The following SPTB variants were observed in gnomAD, a reference collection of about 807,000 sequenced individuals.
SPTB encodes spectrin beta, erythrocytic.
In SPTB, 45 loss-of-function variants were observed where a neutral mutation model predicts 256.2. The ratio of observed to expected loss-of-function variants is 0.18; its 90% CI spans 0.14 to 0.23. SPTB has a LOEUF of 0.23. SPTB is among the 10% of genes least tolerant of loss of function. SPTB has a pLI of 1.00. For missense variants in SPTB, 2,715 were observed against 3,040.4 expected (o/e 0.89, Z 2.52); for synonymous variants, 1,231 against 1,243.1 (o/e 0.99, Z 0.21).
intron 1 of SPTB, among the ~76,000 whole-genome samples, chr14:64,851,205 T>C (rs1458640020): frequency 2.0e-5 from 3 of 152,222 alleles, no homozygotes; most frequent in Non-Finnish European, 2.9e-5. Context: ...GGAAACGCAG[T>C]ACAAGGATTA....
Position 64,772,160 on chromosome 14 carries a change from CTGGGAAACTTA to C in SPTB, c.5553+409_5553+419del, listed in dbSNP as rs1163934184. The stretch of plus-strand genomic sequence containing the variant: ...GGCTCCACTTCGTACCTACATGTTC[CTGGGAAACTTA>C]TGGGTCTTCTACCTCTCCCTTTTCT... On this transcript the variant is annotated intron_variant, in intron 26 of 35. Transcript: ENST00000644917. This position sits in a 1 kb window ranked among gnomAD's most constrained non-coding sequence, Gnocchi z 5.4. Among the ~76,000 whole-genome samples, 1 of 152,142 alleles carries C rather than the reference CTGGGAAACTTA, an allele frequency of 6.6e-6. No individual in the cohort carries two copies. The highest frequency in any genetic ancestry group is 1.5e-5 in the Non-Finnish European group (1 of 68,024).
At chr14:64,782,692 C>G (rs2139547534) in intron 19 of SPTB, 139 bp from the exon 20 acceptor site, 1 of 1,291,822 alleles carries the variant, frequency 7.7e-7, no homozygotes, top group Non-Finnish European at 1.1e-6. Flanking sequence ...TAAGACTCAA[C>G]TGAAATGAAC....
intron 1 of SPTB, among the ~76,000 whole-genome samples, chr14:64,851,481 C>CAGT (rs2083785007): frequency 6.6e-6 from 1 of 150,918 alleles, no homozygotes; most frequent in Non-Finnish European, 1.5e-5. Context: ...GTAGTAGTAG[C>CAGT]AGTAGCAGCA....
In SPTB at chr14:64,871,243, C is replaced by T. The variant is rs190267443; in HGVS notation, c.-52+8549G>A. Among the ~76,000 whole-genome samples the T allele has an allele frequency of 2.6e-5, 4 of 152,182 alleles. No homozygotes were observed. The East Asian group carries it at 7.7e-4, about 29-fold the overall frequency. ...GGAGTGTTCCAGGACGAAGACACAG[C>T]CTCGAACCCAAGTTCTGATGGAAAA... On this transcript the variant is annotated intron_variant, in intron 1 of 35. Transcript: ENST00000644917.
intron 32 of SPTB, chr14:64,754,034 A>C (rs192446869): frequency 3.2e-6 from 2 of 617,788 alleles, no homozygotes; most frequent in Admixed American, 5.1e-5. Context: ...AGAGAGCTGC[A>C]GGGTGGCCCC....
chr14:64,764,185 T>C lies in SPTB; in HGVS notation c.6345+2541A>G, dbSNP rs1300639468. Among the ~76,000 whole-genome samples, 1 of 152,176 alleles carries C rather than the reference T, an allele frequency of 6.6e-6. No individual in the cohort carries two copies. On this transcript the variant is annotated intron_variant, in intron 32 of 35. Coordinates refer to ENST00000644917, the MANE Select transcript of SPTB (RefSeq NM_001355436.2). This position sits in a 1 kb window ranked among gnomAD's most constrained non-coding sequence, Gnocchi z 4.2. ...CCTTCCTGGGAGAGGCCTGCGGTTC[T>C]GTGAAGGGGTAGTTCCAGGCAGGCT...
chr14:64,769,179 G>A (rs1304133418), intron 28 of SPTB, 61 bp from the exon 29 acceptor site: 43 of 1,432,742 alleles, frequency 3.0e-5, no homozygotes, highest in Middle Eastern at 1.7e-4. Context: ...CTGAGGCAGT[G>A]CGCAGATGGG....
rs761348656 is a variant in SPTB, at chr14:64,796,560, G to A, written c.1338C>T (p.Ala446=). The stretch of plus-strand genomic sequence containing the variant: ...CCCAAAGCATGTCCCTCATTACCTG[G>A]GCCACGAGGCGCTGGTTTTCACTGA... ...TWLSENQRLV[A]QDNFGYDLAA... is the part of the protein sequence containing the mutation. Residue 446 remains alanine (A), a synonymous_variant, in exon 11 of 36, where the codon GCC becomes GCT. Transcript: ENST00000644917. This position sits in a 1 kb window ranked among gnomAD's most constrained non-coding sequence, Gnocchi z 4.1. 9 of 1,614,040 alleles carry A rather than the reference G, an allele frequency of 5.6e-6. No homozygotes were observed. The South Asian group carries it at 7.7e-5, about 14-fold the overall frequency.
rs777255682 is a variant in SPTB at position 64,785,849 on chromosome 14, C to A, written c.3664G>T (p.Asp1222Tyr). 7.4e-6 allele frequency: 12 copies of A among 1,614,018 alleles called. No individual in the cohort carries two copies. The highest frequency in any genetic ancestry group is 1.7e-5 in the Admixed American group (1 of 59,998). ...DFLGSMENNR[D>Y]KVLSPVDSGN... ...GAGTCCACAGGACTCAAGACCTTAT[C>A]CCGGTTGTTCTCCATAGACCCCAAG... The change falls in exon 17 of 36, where the codon GAT becomes TAT. Residue 1222 changes from aspartate (D) to tyrosine (Y), a missense_variant. By Grantham distance (160) the Asp-to-Tyr change is radical. Around this residue, in one of 4 missense-constraint regions of SPTB, gnomAD observed 2,239 missense variants for 2,384.4 expected, o/e 0.94. Transcript: ENST00000644917. The surrounding 1 kb of genome is among the most constrained non-coding windows in gnomAD (Gnocchi z 4.4).
intron 1 of SPTB, among the ~76,000 whole-genome samples, chr14:64,863,914 A>G (rs1882002203): frequency 1.3e-5 from 2 of 152,218 alleles, no homozygotes; most frequent in Non-Finnish European, 1.5e-5. Context: ...GGCAATTACA[A>G]TATCACACTG....
intron 29 of SPTB, chr14:64,768,105 G>T: frequency 1.8e-6 from 1 of 565,428 alleles, no homozygotes; most frequent in South Asian, 1.9e-5. Context: ...GCAGTGATGT[G>T]ATTATGGCTC....
At chr14:64,750,524 C>T (rs1373978089) in intron 33 of SPTB, among the ~76,000 whole-genome samples, 1 of 151,882 alleles carries the variant, frequency 6.6e-6, no homozygotes, top group Non-Finnish European at 1.5e-5. Context: ...ACTTGTAATC[C>T]CAGCACTTTG....
At chr14:64,843,368 G>A (rs1316498991) in intron 1 of SPTB, among the ~76,000 whole-genome samples, 1 of 152,098 alleles carries the variant, frequency 6.6e-6, no homozygotes, top group Non-Finnish European at 1.5e-5. Flanking sequence ...TACTACTCAA[G>A]GTCTGTCATG....
Position 64,790,672 on chromosome 14 carries a change from A to G in SPTB, c.2804+1047T>C, listed in dbSNP as rs1161328985. On this transcript the variant is annotated intron_variant, in intron 15 of 35. Coordinates refer to ENST00000644917, the MANE Select transcript of SPTB (RefSeq NM_001355436.2). The surrounding 1 kb of genome is among the most constrained non-coding windows in gnomAD (Gnocchi z 4.8). ...TTACAATGGAGTCTTCCCTAGGCCC[A>G]CCTCCCAGATTGCCTCAGGCAGAGC... 6.6e-6 allele frequency among the ~76,000 whole-genome samples: 1 copy of G among 151,980 alleles called. No homozygotes were observed. The highest frequency in any genetic ancestry group is 1.5e-5 in the Non-Finnish European group (1 of 67,996).
intron 29 of SPTB, chr14:64,768,080 C>T: frequency 1.6e-6 from 1 of 610,816 alleles, no homozygotes; most frequent in Non-Finnish European, 2.9e-6. Context: ...TTCAATCTGT[C>T]ACCCAGGCTG....
intron 1 of SPTB, among the ~76,000 whole-genome samples, chr14:64,865,995 C>G (rs1298980236): frequency 6.6e-6 from 1 of 152,200 alleles, no homozygotes; most frequent in East Asian, 1.9e-4. Context: ...AAAGGCAGAG[C>G]CTGCTCTACT....
chr14:64,774,511 A>G lies in SPTB; in HGVS notation c.4859T>C (p.Ile1620Thr). The G allele has an allele frequency of 1.3e-6, 2 of 1,553,778 alleles. No homozygotes were observed. Among genetic ancestry groups the G allele is most frequent in the Non-Finnish European group, 1.7e-6 (2 of 1,148,296 alleles). The stretch of plus-strand genomic sequence containing the variant: ...CCGCAAATGTCGCTTCAGCATCACA[A>G]TGGCGCCCTCTTCATCCTAGGAGGC... ...DEIPKDEEGAIVMLKRHLRQQ... is the reference protein window; with the variant it reads ...DEIPKDEEGATVMLKRHLRQQ... Residue 1620 changes from isoleucine (I) to threonine (T), a missense_variant, in exon 24 of 36, where the codon ATT becomes ACT. By Grantham distance (89) the Ile-to-Thr change is moderately conservative. Around this residue, in one of 4 missense-constraint regions of SPTB, gnomAD observed 2,239 missense variants for 2,384.4 expected, o/e 0.94. Coordinates refer to ENST00000644917, the MANE Select transcript of SPTB (RefSeq NM_001355436.2).
intron 1 of SPTB, among the ~76,000 whole-genome samples, chr14:64,857,589 A>G (rs2083894112): frequency 6.6e-6 from 1 of 151,598 alleles, no homozygotes; most frequent in Non-Finnish European, 1.5e-5. Flanking sequence ...AAAAAAAAAA[A>G]AAAAAAAAAA....
intron 1 of SPTB, among the ~76,000 whole-genome samples, chr14:64,871,406 A>G (rs1012427801): frequency 8.5e-5 from 13 of 152,214 alleles, no homozygotes; most frequent in Non-Finnish European, 1.9e-4. Flanking sequence ...GGCTCCTTAA[A>G]AGCCAACTTT....
Sources: gnomAD v4.1 joint callset for allele counts (sites outside exome capture counted in the v4.1 genomes callset) on GRCh38, gnomAD v4.1.1 for gene constraint, gnomAD v4.1.1 regional missense constraint, Gnocchi (gnomAD v3.1) non-coding constraint, MANE v1.5 for transcripts, NCBI Gene and HGNC (gene_info 2026-07-23, HGNC 2026-07-21) for gene names.